Variants in RPH3A observed in about 807,000 individuals in gnomAD.
RPH3A encodes rabphilin-3A.
RPH3A carries 48 observed loss-of-function variants against 102.2 expected under a neutral mutation model. That is an observed-to-expected ratio of 0.47 (90% CI 0.37 to 0.60). RPH3A has a LOEUF of 0.60. RPH3A is among the 20% of genes least tolerant of loss of function. RPH3A has a pLI of 0.00. For missense variants in RPH3A, 781 were observed against 910.1 expected (o/e 0.86, Z 1.83); for synonymous variants, 310 against 324.3 (o/e 0.96, Z 0.47).
intron 1 of RPH3A, among the ~76,000 whole-genome samples, chr12:112,673,618 G>A (rs2040151188): frequency 6.6e-6 from 1 of 152,112 alleles, no homozygotes; most frequent in African/African-American, 2.4e-5. Flanking sequence ...GGCATGCAAT[G>A]TGAAATAAAC....
chr12:112,731,169 A>G (rs2040631424), intron 1 of RPH3A, among the ~76,000 whole-genome samples: 1 of 151,682 alleles, frequency 6.6e-6, no homozygotes, highest in Non-Finnish European at 1.5e-5. Flanking sequence ...TCTAAGTTCT[A>G]TAGTTCATTT....
chr12:112,804,524 A>T (rs923981708), intron 2 of RPH3A, among the ~76,000 whole-genome samples: 2 of 152,216 alleles, frequency 1.3e-5, no homozygotes, highest in African/African-American at 4.8e-5. Context: ...TGGTTGGTTG[A>T]AGCCTGGGAT....
intron 1 of RPH3A, among the ~76,000 whole-genome samples, chr12:112,712,904 C>CTTCTTCTTCTTCTTCT (rs2040475211): frequency 2.2e-5 from 2 of 92,568 alleles, no homozygotes; most frequent in East Asian, 6.6e-4. Flanking sequence ...CTTCTTCTTC[C>CTTCTTCTTCTTCTTCT]TCTTCTTCTT....
intron 1 of RPH3A, among the ~76,000 whole-genome samples, chr12:112,664,666 A>C (rs377072945): frequency 1.3e-5 from 2 of 152,110 alleles, no homozygotes; most frequent in African/African-American, 4.8e-5. Context: ...TGTGGAGGGC[A>C]ACTTCAAGTT....
chr12:112,755,296 T>TACAC (rs1323813333), intron 1 of RPH3A, among the ~76,000 whole-genome samples: 135 of 95,220 alleles, frequency 1.4e-3, no homozygotes, highest in Non-Finnish European at 2.0e-3. Flanking sequence ...TATATATGTA[T>TACAC]ATACACACAC....
intron 1 of RPH3A, among the ~76,000 whole-genome samples, chr12:112,735,178 G>C (rs1360626065): frequency 6.6e-6 from 1 of 152,202 alleles, no homozygotes; most frequent in African/African-American, 2.4e-5. Context: ...GCCCAAGGAA[G>C]AAACACAATT....
intron 1 of RPH3A, among the ~76,000 whole-genome samples, chr12:112,689,761 G>T (rs1169578197): frequency 1.3e-5 from 2 of 152,238 alleles, no homozygotes; most frequent in Non-Finnish European, 2.9e-5. Flanking sequence ...GGCACTGCAG[G>T]ACAGGGAGAG....
chr12:112,861,288 C>T (rs574215901), intron 5 of RPH3A, among the ~76,000 whole-genome samples: 26 of 152,320 alleles, frequency 1.7e-4, no homozygotes, highest in African/African-American at 4.6e-4. Flanking sequence ...ATTTGTCAAC[C>T]GCATGTTGAG....
chr12:112,801,910 C>T (rs753397160), intron 2 of RPH3A, among the ~76,000 whole-genome samples: 38 of 152,182 alleles, frequency 2.5e-4, no homozygotes, highest in Non-Finnish European at 1.8e-4. Context: ...CACTTCTTTT[C>T]CACTCAGCAG....
intron 1 of RPH3A, among the ~76,000 whole-genome samples, chr12:112,745,853 T>C (rs973579067): frequency 6.6e-6 from 1 of 152,120 alleles, no homozygotes; most frequent in Admixed American, 6.5e-5. Context: ...GGAGGTGGCT[T>C]CCAATTCTGT....
Position 112,658,832 on chromosome 12 carries a change from C to A in RPH3A, c.-140+83513C>A, listed in dbSNP as rs753559495. ...GGTAATGGTTCCTGTTGGACTGGTGCCCAGATTGCCAGATTAATTGACCTT... is the reference window on the plus strand; with the variant it reads ...GGTAATGGTTCCTGTTGGACTGGTGACCAGATTGCCAGATTAATTGACCTT... On this transcript the variant is annotated intron_variant, in intron 1 of 21. Transcript: ENST00000543106. Among the ~76,000 whole-genome samples the A allele has an allele frequency of 7.9e-5, 12 of 152,238 alleles. No individual in the cohort carries two copies. The South Asian group carries it at 1.0e-3, about 13-fold the overall frequency.
intron 14 of RPH3A, among the ~76,000 whole-genome samples, chr12:112,879,667 C>G (rs757143578): frequency 7.2e-5 from 11 of 152,200 alleles, no homozygotes; most frequent in Admixed American, 1.3e-4. Flanking sequence ...GGGGGCGGGA[C>G]AGCCTCGCTG....
chr12:112,679,468 C>T lies in RPH3A; in HGVS notation c.-140+104149C>T, dbSNP rs188978189. On this transcript the variant is annotated intron_variant, in intron 1 of 21. Coordinates refer to the RPH3A transcript ENST00000543106. ...GTAGACTCTCACTCACTCTGTCCCC[C>T]GGTCTGGAGTGCCGTGGCGCAATCT... 3.0e-3 allele frequency among the ~76,000 whole-genome samples: 460 copies of T among 151,998 alleles called. 4 individuals carry two copies. Among genetic ancestry groups the T allele is most frequent in the African/African-American group, 0.01 (425 of 41,434 alleles).
At chr12:112,629,157 T>A (rs561032635) in intron 1 of RPH3A, among the ~76,000 whole-genome samples, 1 of 152,136 alleles carries the variant, frequency 6.6e-6, no homozygotes, top group Non-Finnish European at 1.5e-5. Context: ...GAGACACTTA[T>A]TGATTGGCTC....
At chr12:112,824,871 G>A (rs540092498) in intron 2 of RPH3A, among the ~76,000 whole-genome samples, 12 of 152,292 alleles carry the variant, frequency 7.9e-5, no homozygotes, top group Non-Finnish European at 1.5e-4. Context: ...CTGCCCTGAG[G>A]ATGATGGAAT....
intron 2 of RPH3A, among the ~76,000 whole-genome samples, chr12:112,804,025 T>C (rs1405708771): frequency 5.3e-5 from 8 of 152,238 alleles, no homozygotes; most frequent in Non-Finnish European, 1.0e-4. Context: ...TGTTATTGCA[T>C]AGGACTTGAA....
chr12:112,657,474 T>C (rs1018094535), intron 1 of RPH3A, among the ~76,000 whole-genome samples: 2 of 152,180 alleles, frequency 1.3e-5, no homozygotes, highest in Non-Finnish European at 2.9e-5. Flanking sequence ...CTGTACAGAA[T>C]TGCATGTGCT....
At chr12:112,757,856 G>T (rs1376845978) in intron 1 of RPH3A, among the ~76,000 whole-genome samples, 1 of 152,168 alleles carries the variant, frequency 6.6e-6, no homozygotes, top group Admixed American at 6.5e-5. Flanking sequence ...GATGGAAGGT[G>T]TCACACTCAG....
Position 112,830,794 on chromosome 12 carries a change from G to GC in RPH3A, c.71+2405_71+2406insC, listed in dbSNP as rs1555214031. Among the ~76,000 whole-genome samples the GC allele has an allele frequency of 7.6e-3, 1,132 of 148,136 alleles. 12 individuals are homozygous for GC. Among genetic ancestry groups the GC allele is most frequent in the African/African-American group, 0.026 (1,073 of 40,574 alleles). ...TAAAAAACAACATCAGCTTTCTTTA[G>GC]TTTTTTTTTTATCATTTTATTTTTA... On this transcript the variant is annotated intron_variant, in intron 3 of 21. Coordinates refer to ENST00000389385, the MANE Select transcript of RPH3A (RefSeq NM_001143854.2).
Sources: allele counts gnomAD v4.1 joint callset (sites outside exome capture counted in the v4.1 genomes callset), GRCh38; gene constraint gnomAD v4.1.1; transcripts MANE v1.5; gene names NCBI Gene and HGNC (gene_info 2026-07-23, HGNC 2026-07-21).